The following ZNF529 variants were observed in gnomAD, a reference collection of about 807,000 sequenced individuals.
ZNF529 encodes zinc finger protein 529.
ZNF529 carries 11 observed loss-of-function variants against 10.1 expected under a neutral mutation model. The observed-to-expected ratio is 1.09, with a 90% CI of 0.69 to 1.81. ZNF529 has a LOEUF of 1.81. ZNF529 is among the 40% of genes most tolerant of loss of function. The probability of loss-of-function intolerance (pLI) is 0.00; values close to 1 mark genes in which losing one functional copy is unlikely to be tolerated. For synonymous variants in ZNF529, 204 were observed against 215.7 expected, an observed-to-expected ratio of 0.95 and a Z score of 0.47; for missense variants, 624 against 666.8, an observed-to-expected ratio of 0.94 and a Z score of 0.71.
chr19:36,572,491 A>G, intron 1 of ZNF529, 99 bp from the exon 2 acceptor site: 1 of 892,922 alleles, frequency 1.1e-6, no homozygotes. Context: ...CACAACAAAC[A>G]CACCCAGATC....
chr19:36,589,191 C>A (rs1259483334), intron 2 of ZNF529, among the ~76,000 whole-genome samples: 1 of 152,098 alleles, frequency 6.6e-6, no homozygotes, highest in African/African-American at 2.4e-5. Flanking sequence ...AAGTGATCCT[C>A]CAGCCATGAG....
chr19:36,577,180 G>A (rs1041394619), upstream of ZNF529: 10 of 452,980 alleles, frequency 2.2e-5, no homozygotes, highest in African/African-American at 6.0e-5. Context: ...GGCTGGTCTG[G>A]AACTCCTGAG....
intron 2 of ZNF529, among the ~76,000 whole-genome samples, chr19:36,559,723 ATG>A (rs2035611034): frequency 6.6e-6 from 1 of 152,192 alleles, no homozygotes; most frequent in Non-Finnish European, 1.5e-5. Context: ...GTGTGTTTGT[ATG>A]TGTGTGTATA....
At position 36,550,363 on chromosome 19, in the gene ZNF529, C is replaced by T. The variant is rs879635230; in HGVS notation, c.236-2041G>A. Reference sequence around the variant, plus strand: ...TTTGAGAACAGCCTGGCCAACATGGCGAAACCCCGTCTGTACTAAAAATAC... The same window carrying T: ...TTTGAGAACAGCCTGGCCAACATGGTGAAACCCCGTCTGTACTAAAAATAC... On this transcript the variant is annotated intron_variant, in intron 4 of 4. Coordinates refer to ENST00000591340, the MANE Select transcript of ZNF529 (RefSeq NM_020951.5). Among the ~76,000 whole-genome samples the T allele has an allele frequency of 2.9e-4, 44 of 152,092 alleles. 1 individual carries two copies. The Middle Eastern group carries it at 0.01, about 36-fold the overall frequency.
upstream of ZNF529, among the ~76,000 whole-genome samples, chr19:36,576,216 G>C (rs1175338826): frequency 6.6e-6 from 1 of 152,108 alleles, no homozygotes; most frequent in Non-Finnish European, 1.5e-5. Context: ...AAAAGAGCAA[G>C]GGTCCTTTCC....
upstream of ZNF529, among the ~76,000 whole-genome samples, chr19:36,574,347 A>G (rs554146235): frequency 6.6e-6 from 1 of 152,226 alleles, no homozygotes; most frequent in African/African-American, 2.4e-5. Context: ...GTCTCCAGGT[A>G]GCACGCTTCA....
At position 36,546,636 on chromosome 19, in the gene ZNF529, G is replaced by GA. The variant is rs1324403798; in HGVS notation, c.*229dup. 7.3e-6 allele frequency: 3 copies of GA among 413,632 alleles called. No individual in the cohort carries two copies. The highest frequency in any genetic ancestry group is 4.0e-5 in the Admixed American group (1 of 25,042). 25.6% of individuals were successfully genotyped at this position (413,632 alleles called of 1,614,324 possible). A position where few individuals can be genotyped will look rare whatever the true frequency, so the allele number is the denominator to read the frequency against. On this transcript the variant is annotated 3_prime_UTR_variant, in exon 5 of 5. Coordinates refer to ENST00000591340, the MANE Select transcript of ZNF529 (RefSeq NM_020951.5). The stretch of plus-strand genomic sequence containing the variant: ...AAACATGCCAGGATGAGAAACTCAT[G>GA]AAAAAAACTTTTTAACATAAAAAGG...
intron 1 of ZNF529, among the ~76,000 whole-genome samples, chr19:36,592,179 G>C (rs1023247302): frequency 2.6e-5 from 4 of 151,404 alleles, no homozygotes; most frequent in Non-Finnish European, 5.9e-5. Flanking sequence ...CAGTTACTTG[G>C]GAGGCTGAGG....
At chr19:36,568,018 A>G (rs919588522) in intron 2 of ZNF529, among the ~76,000 whole-genome samples, 4 of 152,212 alleles carry the variant, frequency 2.6e-5, no homozygotes, top group Non-Finnish European at 5.9e-5. Flanking sequence ...TTCAGTAGAC[A>G]TTTCTTCATA....
chr19:36,569,796 A>G (rs2036031455), intron 2 of ZNF529, among the ~76,000 whole-genome samples: 1 of 152,058 alleles, frequency 6.6e-6, no homozygotes, highest in Non-Finnish European at 1.5e-5. Context: ...GAAAAAAATG[A>G]AGAATTGGCT....
chr19:36,586,894 T>C (rs2036590859), intron 2 of ZNF529, among the ~76,000 whole-genome samples: 1 of 152,236 alleles, frequency 6.6e-6, no homozygotes, highest in African/African-American at 2.4e-5. Flanking sequence ...GACATAAATA[T>C]GTATAAGGTT....
chr19:36,576,651 C>A (rs2912408), upstream of ZNF529, among the ~76,000 whole-genome samples: 132,527 of 151,906 alleles, frequency 0.87, 58,594 homozygotes, highest in African/African-American at 0.93. Flanking sequence ...CAGGAAGCGG[C>A]GTTTGCAGTG....
chr19:36,567,130 G>A (rs2035929553), intron 2 of ZNF529, among the ~76,000 whole-genome samples: 1 of 152,136 alleles, frequency 6.6e-6, no homozygotes, highest in Non-Finnish European at 1.5e-5. Flanking sequence ...AGACTGTGGG[G>A]CACGGAATAT....
intron 2 of ZNF529, among the ~76,000 whole-genome samples, chr19:36,568,044 G>T (rs1383688822): frequency 6.6e-6 from 1 of 152,082 alleles, no homozygotes; most frequent in East Asian, 1.9e-4. Flanking sequence ...TGAACAAATG[G>T]TCAACAAGTA....
At chr19:36,590,792 T>C (rs574519849) in intron 1 of ZNF529, among the ~76,000 whole-genome samples, 1 of 151,722 alleles carries the variant, frequency 6.6e-6, no homozygotes, top group South Asian at 2.1e-4. Context: ...TAGCCAGGCA[T>C]GGTGGCATGC....
chr19:36,551,414 T>A (rs1458716522), intron 4 of ZNF529, among the ~76,000 whole-genome samples: 1 of 152,062 alleles, frequency 6.6e-6, no homozygotes. Flanking sequence ...ATATCAAAAT[T>A]TCATCCAATA....
Position 36,546,016 on chromosome 19 carries a change from A to G in ZNF529, c.*850T>C, listed in dbSNP as rs1163366976. 1 of 149,130 alleles carries G rather than the reference A, an allele frequency of 6.7e-6. No individual in the cohort carries two copies. The highest frequency in any genetic ancestry group is 2.0e-4 in the East Asian group (1 of 5,110). The allele number at this position is 149,130 out of a possible 1,614,324, so 9.2% of individuals were successfully genotyped here. A position where few individuals can be genotyped will look rare whatever the true frequency, so the allele number is the denominator to read the frequency against. The stretch of plus-strand genomic sequence containing the variant: ...ACACTATATATATATAGTGCCCAGT[A>G]TATAGTGTATATACTATATATACAT... On this transcript the variant is annotated 3_prime_UTR_variant, in exon 5 of 5. Transcript: ENST00000591340.
chr19:36,556,071 A>C (rs1190453010), intron 3 of ZNF529, 33 bp downstream of exon 3: 2 of 1,547,754 alleles, frequency 1.3e-6, no homozygotes, highest in East Asian at 4.9e-5. Flanking sequence ...GAAAAAGGAA[A>C]TATCACAAAG....
Position 36,548,238 on chromosome 19 carries a change from T to C in ZNF529, c.320A>G (p.Glu107Gly). 6.2e-7 allele frequency: 1 copy of C among 1,613,828 alleles called. No homozygotes were observed. Among genetic ancestry groups the C allele is most frequent in the Non-Finnish European group, 8.5e-7 (1 of 1,179,840 alleles). ...TTCAAGGCCACATAACTTGCTACTT[T>C]CCATTACCTCCCACTGAGAACCAGT... is the stretch of plus-strand genomic sequence containing the variant. ...QNTGSQWEVMESSKLCGLEGS... is the reference protein window; with the variant it reads ...QNTGSQWEVMGSSKLCGLEGS... Residue 107 changes from glutamate to glycine, a missense_variant, in exon 5 of 5, where the codon GAA (glutamate) becomes GGA (glycine). By Grantham distance (98) the Glu-to-Gly change is moderately conservative. Coordinates refer to ENST00000591340, the MANE Select transcript of ZNF529 (RefSeq NM_020951.5).
Sources: allele counts gnomAD v4.1 joint callset (sites outside exome capture counted in the v4.1 genomes callset), GRCh38; gene constraint gnomAD v4.1.1; transcripts MANE v1.5; gene names NCBI Gene and HGNC (gene_info 2026-07-23, HGNC 2026-07-21).